The following CACNA1H variants were observed in gnomAD, a reference collection of about 807,000 sequenced individuals.
The protein encoded by CACNA1H is voltage-dependent T-type calcium channel subunit alpha-1H.
In CACNA1H, 149 loss-of-function variants were observed where a neutral mutation model predicts 192.5. The observed-to-expected ratio is 0.77, with a 90% CI of 0.68 to 0.89. CACNA1H has a LOEUF of 0.89. CACNA1H is among the 40% of genes least tolerant of loss of function. The pLI, the probability that CACNA1H is intolerant of heterozygous loss-of-function variation, is 0.00. For synonymous variants in CACNA1H, 2,202 were observed against 1,475.2 expected (o/e 1.49, Z -11.29); for missense variants, 4,257 against 3,423.5 (o/e 1.24, Z -6.08).
At position 1,206,101 on chromosome 16, in the gene CACNA1H, C is replaced by T. The variant is rs1489658003; in HGVS notation, c.2604-3C>T. 1.3e-6 allele frequency: 2 copies of T among 1,568,748 alleles called. No individual in the cohort carries two copies. Among genetic ancestry groups the T allele is most frequent in the African/African-American group, 1.3e-5 (1 of 74,194 alleles). On this transcript the variant is annotated splice_region_variant and splice_polypyrimidine_tract_variant and intron_variant, in intron 11 of 34. Transcript: ENST00000348261. ...GCTGACCCTCGCCCCCACCTGTCCGCAGCGTCTGGGAGATCGTGGGGCAGG... is the reference window on the plus strand; with the variant it reads ...GCTGACCCTCGCCCCCACCTGTCCGTAGCGTCTGGGAGATCGTGGGGCAGG...
In CACNA1H at chr16:1,162,558, A is replaced by G. The variant is rs74004820; in HGVS notation, c.299+8522A>G. On this transcript the variant is annotated intron_variant, in intron 2 of 34. Transcript: ENST00000348261. ...TGGGTCATTCGGAGCCTCGGTTGGC[A>G]CGGGGGCTGGTGCTGCAGTTGTGTC... is the stretch of plus-strand genomic sequence containing the variant. Among the ~76,000 whole-genome samples the G allele has an allele frequency of 2.7e-3, 403 of 150,578 alleles. 2 individuals are homozygous for G. Among genetic ancestry groups the G allele is most frequent in the African/African-American group, 9.6e-3 (392 of 40,636 alleles).
intron 5 of CACNA1H, among the ~76,000 whole-genome samples, chr16:1,197,057 G>A (rs1967070278): frequency 1.3e-5 from 2 of 152,194 alleles, no homozygotes; most frequent in South Asian, 4.1e-4. Flanking sequence ...CCCAAGGCTA[G>A]GCACTCCTTC....
rs200627008 is a variant in CACNA1H at position 1,212,118 on chromosome 16, G to C, written c.4739G>C (p.Arg1580Pro). 3.7e-6 allele frequency: 6 copies of C among 1,607,992 alleles called. No homozygotes were observed. Among genetic ancestry groups the C allele is most frequent in the Admixed American group, 1.7e-5 (1 of 59,954 alleles). Reference protein sequence around the residue: ...ARRREEKRLRRLERRRRSTFP... With the variant: ...ARRREEKRLRPLERRRRSTFP... Reference sequence around the variant, plus strand: ...CGGCGAGAGGAGAAGCGGCTGCGGCGCCTAGAGAGGAGGCGCAGGAGTAAG... The same window carrying C: ...CGGCGAGAGGAGAAGCGGCTGCGGCCCCTAGAGAGGAGGCGCAGGAGTAAG... Residue 1580 changes from arginine (R) to proline (P), a missense_variant, in exon 25 of 35, where the codon CGC becomes CCC. Arg to Pro is a moderately radical substitution (Grantham distance 103). Transcript: ENST00000348261.
chr16:1,170,853 C>T (rs1053240269), intron 2 of CACNA1H, among the ~76,000 whole-genome samples: 27 of 152,262 alleles, frequency 1.8e-4, no homozygotes, highest in Non-Finnish European at 3.2e-4. Flanking sequence ...GGGTGCTGGC[C>T]CCGGTCCTGT....
chr16:1,155,663 C>G (rs539488655), intron 2 of CACNA1H, among the ~76,000 whole-genome samples: 5 of 152,112 alleles, frequency 3.3e-5, no homozygotes, highest in South Asian at 2.1e-4. Flanking sequence ...GGCATGGACT[C>G]TCTTCACAGC....
In CACNA1H at chr16:1,200,805, C is replaced by T; in HGVS notation, c.1209C>T (p.Ile403=). Residue 403 remains isoleucine (I), a synonymous_variant, in exon 8 of 35, where the codon ATC becomes ATT. Coordinates refer to ENST00000348261, the MANE Select transcript of CACNA1H (RefSeq NM_021098.3). Reference sequence around the variant, plus strand: ...ACTTCATCTATTTCATCCTGCTCATCATCGTGAGTGTGGGCGGCAGTGTTC... The same window carrying T: ...ACTTCATCTATTTCATCCTGCTCATTATCGTGAGTGTGGGCGGCAGTGTTC... The part of the protein sequence containing the change: ...FYNFIYFILL[I]IVGSFFMINL... The T allele has an allele frequency of 1.3e-6, 2 of 1,551,116 alleles. No homozygotes were observed. Among genetic ancestry groups the T allele is most frequent in the Non-Finnish European group, 1.7e-6 (2 of 1,146,742 alleles).
At chr16:1,216,898 C>CCGTCTGA (rs781481644) in intron 30 of CACNA1H, 34 bp from the exon 31 acceptor site, 1 of 1,562,252 alleles carries the variant, frequency 6.4e-7, no homozygotes, top group East Asian at 2.3e-5. Context: ...CCCTGCCCGC[C>CCGTCTGA]CGTCTGACCC....
chr16:1,195,794 C>G (rs1169782580), intron 4 of CACNA1H, 132 bp from the exon 5 acceptor site: 2 of 896,988 alleles, frequency 2.2e-6, no homozygotes, highest in South Asian at 1.4e-5. Context: ...CGGGGCCCTT[C>G]CTGGCCAGTA....
chr16:1,189,562 C>T (rs1323850078), intron 2 of CACNA1H, among the ~76,000 whole-genome samples: 1 of 151,678 alleles, frequency 6.6e-6, no homozygotes, highest in East Asian at 1.9e-4. Context: ...CCACCGCACC[C>T]CAAAATTTAA....
chr16:1,156,463 T>C (rs1039115926), intron 2 of CACNA1H, among the ~76,000 whole-genome samples: 3 of 151,792 alleles, frequency 2.0e-5, no homozygotes, highest in Non-Finnish European at 2.9e-5. Context: ...GGGAAGCCCA[T>C]GTGGGCCATG....
At position 1,208,905 on chromosome 16, in the gene CACNA1H, G is replaced by A. The variant is rs574772984; in HGVS notation, c.3364-127G>A. 3.1e-4 allele frequency: 316 copies of A among 1,028,414 alleles called. 1 individual carries two copies. In the African/African-American group the frequency reaches 4.2e-3, roughly 14 times the overall value. The allele number at this position is 1,028,414 out of a possible 1,614,324, so 63.7% of individuals were successfully genotyped here. On this transcript the variant is annotated intron_variant, in intron 16 of 34. Coordinates refer to ENST00000348261, the MANE Select transcript of CACNA1H (RefSeq NM_021098.3). Reference sequence around the variant, plus strand: ...TCCCCCTAAAATCACAGCCTCCACCGTGCCTCCCTGGCGGGGCTATGCATT... The same window carrying A: ...TCCCCCTAAAATCACAGCCTCCACCATGCCTCCCTGGCGGGGCTATGCATT...
rs533950390 is a variant in CACNA1H at position 1,160,929 on chromosome 16, G to C, written c.299+6893G>C. ...AGGACCGAGGCATCAGCCCAGTGCG[G>C]CCCCCCCCCAGCCTCGGTGCAGCCC... On this transcript the variant is annotated intron_variant, in intron 2 of 34. Coordinates refer to ENST00000348261, the MANE Select transcript of CACNA1H (RefSeq NM_021098.3). Among the ~76,000 whole-genome samples the C allele has an allele frequency of 1.3e-4, 20 of 150,716 alleles. No individual in the cohort carries two copies. The South Asian group carries it at 3.6e-3, about 27-fold the overall frequency.
rs756266739 is a variant in CACNA1H, at chr16:1,195,092, C to T, written c.411+9C>T. 8.5e-7 allele frequency: 1 copy of T among 1,179,894 alleles called. No individual in the cohort carries two copies. The highest frequency in any genetic ancestry group is 1.1e-6 in the Non-Finnish European group (1 of 912,070). The allele number at this position is 1,179,894 out of a possible 1,614,324, so 73.1% of individuals were successfully genotyped here. A position where few individuals can be genotyped will look rare whatever the true frequency, so the allele number is the denominator to read the frequency against. On this transcript the variant is annotated intron_variant, in intron 3 of 34. Coordinates refer to ENST00000348261, the MANE Select transcript of CACNA1H (RefSeq NM_021098.3). ...GCTGCAACATCCTGGAGGTGAGGGG[C>T]GTGGGTCGGGGTGGGGAAGGAGCGT... is the stretch of plus-strand genomic sequence containing the variant.
At chr16:1,159,888 C>A (rs370685481) in intron 2 of CACNA1H, 1 of 152,144 alleles carries the variant, frequency 6.6e-6, no homozygotes, top group South Asian at 2.1e-4. Context: ...CCTGGTGGAA[C>A]GCTCAGGGGT....
chr16:1,172,348 TC>T (rs775965020), intron 2 of CACNA1H, among the ~76,000 whole-genome samples: 2 of 152,164 alleles, frequency 1.3e-5, no homozygotes, highest in African/African-American at 2.4e-5. Context: ...TCCCCAATGT[TC>T]CAGGCTCTAC....
rs912252815 is a variant in CACNA1H, at chr16:1,220,901, G to T, written c.6969G>T (p.Gly2323=). ...PVGDPPEKRR[G]LYLTVPQCPL... is the part of the protein sequence containing the mutation. ...GTGACCCCCCAGAGAAGAGGCGGGG[G>T]CTGTACCTCACAGTCCCCCAGTGTC... The change falls in exon 35 of 35, where the codon GGG becomes GGT. Residue 2323 remains glycine (G), a synonymous_variant. Transcript: ENST00000348261. 6.2e-7 allele frequency: 1 copy of T among 1,611,264 alleles called. No individual in the cohort carries two copies. The highest frequency in any genetic ancestry group is 1.1e-5 in the South Asian group (1 of 91,046).
intron 2 of CACNA1H, among the ~76,000 whole-genome samples, chr16:1,191,900 A>G (rs113647783): frequency 0.011 from 1,430 of 129,764 alleles, 46 homozygotes; most frequent in African/African-American, 0.036. Flanking sequence ...TGGCTGTGTG[A>G]CCTCAGGCAC....
rs35395847 is a variant in CACNA1H, at chr16:1,198,890, C to T, written c.803+116C>T. On this transcript the variant is annotated intron_variant, in intron 6 of 34. Coordinates refer to ENST00000348261, the MANE Select transcript of CACNA1H (RefSeq NM_021098.3). ...GCTCTGCCCACCGTGCAGTCACCCG[C>T]CCCGCCACTGCTGTCCCCGTCATGG... 121,661 of 932,432 alleles carry T rather than the reference C, an allele frequency of 0.13. 9,352 individuals carry two copies. The highest frequency in any genetic ancestry group is 0.16 in the Non-Finnish European group (98,052 of 623,872). 57.8% of individuals were successfully genotyped at this position (932,432 alleles called of 1,614,324 possible). A position where few individuals can be genotyped will look rare whatever the true frequency, so the allele number is the denominator to read the frequency against.
At chr16:1,192,686 G>T (rs561453918) in intron 2 of CACNA1H, among the ~76,000 whole-genome samples, 9 of 152,174 alleles carry the variant, frequency 5.9e-5, no homozygotes, top group Non-Finnish European at 1.2e-4. Context: ...TAGCCCCCTA[G>T]CCTAGGGCAC....
Sources: allele counts gnomAD v4.1 joint callset (sites outside exome capture counted in the v4.1 genomes callset), GRCh38; gene constraint gnomAD v4.1.1; transcripts MANE v1.5; gene names NCBI Gene and HGNC (gene_info 2026-07-23, HGNC 2026-07-21).